The following VPS13B variants were observed in gnomAD, a reference collection of about 807,000 sequenced individuals.
The protein encoded by VPS13B is vacuolar protein sorting 13 homolog B.
Under a neutral mutation model 426.4 loss-of-function variants are expected in VPS13B, and 285 were observed. The observed-to-expected ratio is 0.67, with a 90% confidence interval of 0.61 to 0.74. VPS13B has a LOEUF of 0.74. VPS13B is among the 30% of genes least tolerant of loss of function. The pLI, the probability that VPS13B is intolerant of heterozygous loss-of-function variation, is 0.00. For synonymous variants in VPS13B, 1,676 were observed against 1,676.4 expected (o/e 1.00, Z 0.01); for missense variants, 4,537 against 4,782.6 (o/e 0.95, Z 1.51).
intron 14 of VPS13B, among the ~76,000 whole-genome samples, chr8:99,148,502 A>T (rs1009953062): frequency 6.6e-6 from 1 of 152,162 alleles, no homozygotes; most frequent in Admixed American, 6.5e-5. Context: ...TAATAAAATA[A>T]ACTTAATCTT....
At chr8:99,598,402 A>G (rs576880011) in intron 33 of VPS13B, among the ~76,000 whole-genome samples, 2 of 152,162 alleles carry the variant, frequency 1.3e-5, no homozygotes, top group Admixed American at 6.6e-5. Flanking sequence ...TATTGATTAT[A>G]TAGAAGGGCG....
chr8:99,573,399 C>T (rs2133803489), intron 31 of VPS13B, among the ~76,000 whole-genome samples: 1 of 152,228 alleles, frequency 6.6e-6, no homozygotes, highest in Middle Eastern at 3.4e-3. Flanking sequence ...AAAGGTATTG[C>T]CTAGGTTTTC....
At chr8:99,863,225 A>G (rs1459066072) in intron 58 of VPS13B, among the ~76,000 whole-genome samples, 1 of 152,196 alleles carries the variant, frequency 6.6e-6, no homozygotes, top group Non-Finnish European at 1.5e-5. Flanking sequence ...TCATTATCAT[A>G]GTATGGTAGC....
At chr8:99,781,779 C>G (rs1812033710) in intron 42 of VPS13B, among the ~76,000 whole-genome samples, 1 of 151,988 alleles carries the variant, frequency 6.6e-6, no homozygotes, top group Admixed American at 6.6e-5. Context: ...CTCTGTGTTA[C>G]CAGCAGATTG....
intron 19 of VPS13B, among the ~76,000 whole-genome samples, chr8:99,382,496 G>C (rs537404089): frequency 6.6e-6 from 1 of 151,704 alleles, no homozygotes; most frequent in Admixed American, 6.6e-5. Flanking sequence ...TCATCTCTTT[G>C]AGCATGTTTT....
At chr8:99,112,522 G>A (rs949031540) in intron 6 of VPS13B, among the ~76,000 whole-genome samples, 9 of 151,774 alleles carry the variant, frequency 5.9e-5, no homozygotes, top group Non-Finnish European at 1.3e-4. Flanking sequence ...AATGCATATT[G>A]GTTTGTTTAT....
intron 16 of VPS13B, among the ~76,000 whole-genome samples, chr8:99,176,426 C>T (rs1396447335): frequency 3.9e-5 from 6 of 152,066 alleles, no homozygotes; most frequent in African/African-American, 9.7e-5. Flanking sequence ...CATGAGCCAC[C>T]GCGCCCAGCC....
intron 43 of VPS13B, among the ~76,000 whole-genome samples, chr8:99,787,616 T>A (rs139189964): frequency 6.6e-6 from 1 of 152,246 alleles, no homozygotes; most frequent in East Asian, 1.9e-4. Flanking sequence ...TTATGCTACG[T>A]TGAATCTAGG....
intron 15 of VPS13B, among the ~76,000 whole-genome samples, chr8:99,167,329 A>G (rs1812065155): frequency 6.6e-6 from 1 of 152,144 alleles, no homozygotes; most frequent in Non-Finnish European, 1.5e-5. Flanking sequence ...TTTTAAAATG[A>G]AAGAAATGCT....
At chr8:99,842,765 T>C (rs1815775953) in intron 54 of VPS13B, among the ~76,000 whole-genome samples, 1 of 152,214 alleles carries the variant, frequency 6.6e-6, no homozygotes, top group Non-Finnish European at 1.5e-5. Context: ...GCAGAAGTTA[T>C]ATTAAAATGC....
chr8:99,189,060 C>T lies in VPS13B; in HGVS notation c.2334-3816C>T, dbSNP rs146366070. On this transcript the variant is annotated intron_variant, in intron 16 of 61. Transcript: ENST00000357162. ...GACCACAGGCACCTGCCACCACGCC[C>T]GGCTAATTTTTTGTATTTTTAGTAG... is the stretch of plus-strand genomic sequence containing the variant. 1.7e-3 allele frequency among the ~76,000 whole-genome samples: 264 copies of T among 152,224 alleles called. 1 individual carries two copies. Among genetic ancestry groups the T allele is most frequent in the African/African-American group, 6.0e-3 (251 of 41,540 alleles).
chr8:99,566,519 C>T (rs1178916603), intron 31 of VPS13B, among the ~76,000 whole-genome samples: 4 of 151,940 alleles, frequency 2.6e-5, no homozygotes, highest in Non-Finnish European at 5.9e-5. Context: ...CAGCTCACTG[C>T]AGTCTCCGCC....
intron 51 of VPS13B, among the ~76,000 whole-genome samples, chr8:99,828,428 T>TTTTTTTTTTTTTTTTTTTTTTTTTTTTA (rs1814852024): frequency 1.1e-5 from 1 of 92,372 alleles, no homozygotes; most frequent in African/African-American, 4.2e-5. Context: ...TTTTTTTTTT[T>TTTTTTTTTTTTTTTTTTTTTTTTTTTTA]TTTTTTGCTT....
chr8:99,702,443 C>T (rs148869151), intron 36 of VPS13B, among the ~76,000 whole-genome samples: 43 of 152,156 alleles, frequency 2.8e-4, no homozygotes, highest in African/African-American at 4.6e-4. Context: ...TACTATTAAA[C>T]GAAAGAAAAA....
At chr8:99,189,362 A>T (rs1320738091) in intron 16 of VPS13B, among the ~76,000 whole-genome samples, 1 of 152,194 alleles carries the variant, frequency 6.6e-6, no homozygotes, top group Non-Finnish European at 1.5e-5. Flanking sequence ...ATTCTGGAGA[A>T]TTTCATTTTA....
intron 31 of VPS13B, among the ~76,000 whole-genome samples, chr8:99,558,837 C>G (rs981373174): frequency 1.3e-5 from 2 of 152,144 alleles, no homozygotes; most frequent in Non-Finnish European, 2.9e-5. Flanking sequence ...GGTTCCAAGT[C>G]TTTGCTATTG....
chr8:99,869,803 C>T (rs1034685293), intron 59 of VPS13B, among the ~76,000 whole-genome samples: 3 of 152,168 alleles, frequency 2.0e-5, no homozygotes, highest in South Asian at 2.1e-4. Flanking sequence ...CTTTTATTAC[C>T]GAACTGAAGG....
At chr8:99,146,002 T>C (rs1402526490) in intron 13 of VPS13B, among the ~76,000 whole-genome samples, 1 of 152,236 alleles carries the variant, frequency 6.6e-6, no homozygotes, top group African/African-American at 2.4e-5. Flanking sequence ...TTCTGATAGA[T>C]GTGTAGTTTT....
At chr8:99,774,658 C>T (rs903131598) in intron 40 of VPS13B, among the ~76,000 whole-genome samples, 15 of 152,130 alleles carry the variant, frequency 9.9e-5, no homozygotes, top group African/African-American at 3.4e-4. Flanking sequence ...TAACATTGTG[C>T]CCTATTTCTA....
Sources: allele counts gnomAD v4.1 joint callset (sites outside exome capture counted in the v4.1 genomes callset), GRCh38; gene constraint gnomAD v4.1.1; transcripts MANE v1.5; gene names NCBI Gene and HGNC (gene_info 2026-07-23, HGNC 2026-07-21).